ZNF821: variants seen among roughly 807,000 people sequenced by gnomAD.
The protein encoded by ZNF821 is zinc finger protein 821.
ZNF821 carries 16 observed loss-of-function variants against 44.3 expected under a neutral mutation model. The ratio of observed to expected loss-of-function variants is 0.36; its 90% confidence interval spans 0.24 to 0.55. The LOEUF (loss-of-function observed/expected upper bound fraction) is 0.55, where lower values mean the gene tolerates loss of function less well. ZNF821 is among the 20% of genes least tolerant of loss of function. The pLI, the probability that ZNF821 is intolerant of heterozygous loss-of-function variation, is 0.86. For synonymous variants in ZNF821, 204 were observed against 197.6 expected, an observed-to-expected ratio of 1.03 and a Z score of -0.27; for missense variants, 436 against 547.6, an observed-to-expected ratio of 0.80 and a Z score of 2.03.
intron 3 of ZNF821, among the ~76,000 whole-genome samples, chr16:71,875,281 TCTTTTTTTC>T (rs1481659460): frequency 2.6e-5 from 4 of 152,114 alleles, no homozygotes; most frequent in Non-Finnish European, 5.9e-5. Context: ...CATCTGTTTT[TCTTTTTTTC>T]CTTTTTTTTG....
chr16:71,892,178 CAAAAAAAAAAAAAAAAAAA>C lies in ZNF821; in HGVS notation n.448+2692_448+2710del, dbSNP rs560376648. Among the ~76,000 whole-genome samples, 8 of 31,940 alleles carry C rather than the reference CAAAAAAAAAAAAAAAAAAA, an allele frequency of 2.5e-4. 1 individual carries two copies. In the East Asian group the frequency reaches 9.5e-3, roughly 38 times the overall value. 21.0% of individuals were successfully genotyped at this position (31,940 alleles called of 152,430 possible). A position where few individuals can be genotyped will look rare whatever the true frequency, so the allele number is the denominator to read the frequency against. ...GGGCAACAAGAGAGAAACTCCGTCT[CAAAAAAAAAAAAAAAAAAA>C]AAAAAAAAAAAAAGAATCATGTCAC... On this transcript the variant is annotated intron_variant and non_coding_transcript_variant, in intron 1 of 2. Coordinates refer to the ZNF821 transcript ENST00000561700.
intron 3 of ZNF821, among the ~76,000 whole-genome samples, chr16:71,870,760 A>T (rs544933860): frequency 6.6e-6 from 1 of 152,312 alleles, no homozygotes; most frequent in African/African-American, 2.4e-5. Context: ...GATTACAAGC[A>T]TGAGCCACTG....
chr16:71,877,491 C>A lies in ZNF821; in HGVS notation c.40+2416G>T, dbSNP rs185568898. ...CTCAGGCTGGTCTCGAACTCTTGGG[C>A]TCATGCAATCCTCCTGCCTTGGCCT... On this transcript the variant is annotated intron_variant, in intron 3 of 7. Coordinates refer to ENST00000425432, the MANE Select transcript of ZNF821 (RefSeq NM_001201552.2). Among the ~76,000 whole-genome samples, 22 of 152,100 alleles carry A rather than the reference C, an allele frequency of 1.4e-4. 1 individual carries two copies. The highest frequency in any genetic ancestry group is 5.1e-4 in the African/African-American group (21 of 41,488).
rs374925709 is a variant in ZNF821, at chr16:71,879,888, G to A, written c.40+19C>T. The A allele has an allele frequency of 6.2e-7, 1 of 1,610,974 alleles. No individual in the cohort carries two copies. Among genetic ancestry groups the A allele is most frequent in the Non-Finnish European group, 8.5e-7 (1 of 1,178,500 alleles). Reference sequence around the variant, plus strand: ...CCCTTAGCATTCCCAGGTTCCAGAAGACAAAGCCCGATACTCACAGTGAAC... The same window carrying A: ...CCCTTAGCATTCCCAGGTTCCAGAAAACAAAGCCCGATACTCACAGTGAAC... On this transcript the variant is annotated intron_variant, in intron 3 of 7. Coordinates refer to ENST00000425432, the MANE Select transcript of ZNF821 (RefSeq NM_001201552.2).
intron 1 of ZNF821, chr16:71,894,037 C>A (rs2036916672): frequency 6.6e-6 from 1 of 152,170 alleles, no homozygotes; most frequent in African/African-American, 2.4e-5. Flanking sequence ...GCCTCAGTCT[C>A]CCCAAGTGCT....
chr16:71,872,763 G>A (rs1486195873), intron 3 of ZNF821, among the ~76,000 whole-genome samples: 2 of 152,198 alleles, frequency 1.3e-5, no homozygotes, highest in Non-Finnish European at 2.9e-5. Flanking sequence ...ACTTCACGAG[G>A]ATGCTAACAG....
At chr16:71,884,275 T>C (rs9932922), upstream of ZNF821, 121,478 of 151,786 alleles carry the variant, frequency 0.8, 48,962 homozygotes, top group East Asian at 0.98. Context: ...GCGCCTGGCG[T>C]TGTGGGCGGG....
chr16:71,864,661 T>C, intron 5 of ZNF821: 2 of 497,432 alleles, frequency 4.0e-6, no homozygotes, highest in Non-Finnish European at 7.2e-6. Context: ...TGGAAAGACG[T>C]GGGGAGCTGC....
intron 2 of ZNF821, among the ~76,000 whole-genome samples, chr16:71,880,908 G>C (rs760815275): frequency 6.6e-6 from 1 of 152,160 alleles, no homozygotes; most frequent in Non-Finnish European, 1.5e-5. Context: ...ATATAGGAGG[G>C]GATATATACG....
chr16:71,873,590 C>T (rs983574527), intron 3 of ZNF821, among the ~76,000 whole-genome samples: 3 of 152,118 alleles, frequency 2.0e-5, no homozygotes, highest in Non-Finnish European at 4.4e-5. Context: ...AGCAGCTGCC[C>T]ACTGGCTTCT....
intron 5 of ZNF821, chr16:71,864,695 G>T: frequency 3.4e-6 from 2 of 580,144 alleles, no homozygotes; most frequent in Non-Finnish European, 6.1e-6. Flanking sequence ...GTGCACAGGC[G>T]CAGCGATTCG....
chr16:71,860,441 C>A lies in ZNF821; in HGVS notation c.816G>T (p.Gln272His). 6.2e-7 allele frequency: 1 copy of A among 1,613,920 alleles called. No homozygotes were observed. Among genetic ancestry groups the A allele is most frequent in the South Asian group, 1.1e-5 (1 of 91,086 alleles). ...TGGCCGTGCGCTCTCGTTCCAGCCG[C>A]TGCAGCCGTACTTCCAAAGGCTCAT... Reference protein sequence around the residue: ...RQNEPLEVRLQRLERERTAKK... With the variant: ...RQNEPLEVRLHRLERERTAKK... The change falls in exon 8 of 8, where the codon CAG (glutamine) becomes CAT (histidine). Residue 272 changes from glutamine (Q) to histidine (H), a missense_variant. Gln to His is a conservative substitution (Grantham distance 24). This residue lies in a region of ZNF821 where 68 missense variants were observed against 57.0 expected (regional missense o/e 1.19). Coordinates refer to ENST00000425432, the MANE Select transcript of ZNF821 (RefSeq NM_001201552.2). The surrounding 1 kb of genome is among the most constrained non-coding windows in gnomAD (Gnocchi z 7.3).
chr16:71,877,586 A>C (rs1035340887), intron 3 of ZNF821, among the ~76,000 whole-genome samples: 1 of 151,976 alleles, frequency 6.6e-6, no homozygotes, highest in African/African-American at 2.4e-5. Flanking sequence ...AAGAAATTTT[A>C]GTTATCTTGT....
At chr16:71,891,614 C>G (rs940951292) in intron 1 of ZNF821, 2 of 152,200 alleles carry the variant, frequency 1.3e-5, no homozygotes, top group Non-Finnish European at 2.9e-5. Context: ...TGGCGCACGC[C>G]TGTAATCCTA....
At position 71,890,011 on chromosome 16, in the gene ZNF821, T is replaced by A. The variant is rs182511454; in HGVS notation, n.448+4878A>T. The stretch of plus-strand genomic sequence containing the variant: ...AAATGATTTTTGACCTGCAGCTGCT[T>A]CACAGAAATGTCAGCCTGAAATTGA... On this transcript the variant is annotated intron_variant and non_coding_transcript_variant, in intron 1 of 2. Coordinates refer to the ZNF821 transcript ENST00000561700. 1.4e-3 allele frequency among the ~76,000 whole-genome samples: 218 copies of A among 152,310 alleles called. 1 individual carries two copies. Among genetic ancestry groups the A allele is most frequent in the Non-Finnish European group, 2.2e-3 (147 of 68,028 alleles).
Position 71,883,898 on chromosome 16 carries a change from G to A in ZNF821, c.-141+10C>T, listed in dbSNP as rs1342113313. The A allele has an allele frequency of 6.6e-6, 1 of 152,514 alleles. No homozygotes were observed. Among genetic ancestry groups the A allele is most frequent in the African/African-American group, 2.4e-5 (1 of 41,444 alleles). 9.4% of individuals were successfully genotyped at this position (152,514 alleles called of 1,614,324 possible). A position where few individuals can be genotyped will look rare whatever the true frequency, so the allele number is the denominator to read the frequency against. On this transcript the variant is annotated intron_variant, in intron 1 of 7. Coordinates refer to ENST00000425432, the MANE Select transcript of ZNF821 (RefSeq NM_001201552.2). The stretch of plus-strand genomic sequence containing the variant: ...CCCGGACCCGGAGGGAGGGCAGGGG[G>A]TCTTTTTACCCGGCGCCTCGGCGCT...
At position 71,867,979 on chromosome 16, in the gene ZNF821, A is replaced by C; in HGVS notation, c.99T>G (p.Asp33Glu). ...EQARQAMMKT[D>E]FPGDLGSQRQ... ...GCTGACTGCCAAGGTCTCCAGGAAA[A>C]TCAGTTTTCATCATCGCCTGGCGGG... The change falls in exon 4 of 8, where the codon GAT (aspartate) becomes GAG (glutamate). Residue 33 changes from aspartate (D) to glutamate (E), a missense_variant. By Grantham distance (45) the Asp-to-Glu change is conservative (BLOSUM62 2). Transcript: ENST00000425432. 6.5e-7 allele frequency: 1 copy of C among 1,535,948 alleles called. No individual in the cohort carries two copies.
In ZNF821 at chr16:71,876,912, C is replaced by A. The variant is rs111877318; in HGVS notation, c.40+2995G>T. Among the ~76,000 whole-genome samples, 74 of 152,170 alleles carry A rather than the reference C, an allele frequency of 4.9e-4. 1 individual carries two copies. The highest frequency in any genetic ancestry group is 1.6e-3 in the African/African-American group (68 of 41,508). On this transcript the variant is annotated intron_variant, in intron 3 of 7. Coordinates refer to ENST00000425432, the MANE Select transcript of ZNF821 (RefSeq NM_001201552.2). ...GAGCCACCGAGCTCGGCTAAAGATA[C>A]TTCATTTTATCTTCCTTGACAATCC...
At chr16:71,884,218 TC>T (rs1310748675), upstream of ZNF821, 1 of 151,068 alleles carries the variant, frequency 6.6e-6, no homozygotes, top group Non-Finnish European at 1.5e-5. Context: ...AGCCTCCCTC[TC>T]CCCCTCCCCC....
Sources: allele counts gnomAD v4.1 joint callset (sites outside exome capture counted in the v4.1 genomes callset), GRCh38; gene constraint gnomAD v4.1.1; regional missense constraint gnomAD v4.1.1; non-coding constraint Gnocchi (gnomAD v3.1); transcripts MANE v1.5; gene names NCBI Gene and HGNC (gene_info 2026-07-23, HGNC 2026-07-21).